ZNF446: variants seen among roughly 807,000 people sequenced by gnomAD.
ZNF446 encodes the protein zinc finger protein with KRAB and SCAN domains 20.
In ZNF446, 42 loss-of-function variants were observed where a neutral mutation model predicts 34.0. The ratio of observed to expected loss-of-function variants is 1.23; its 90% confidence interval spans 0.96 to 1.60. ZNF446 has a LOEUF of 1.60. ZNF446 is among the 40% of genes most tolerant of loss of function. The pLI is 0.00. For missense variants in ZNF446, 650 were observed against 600.2 expected, an observed-to-expected ratio of 1.08 and a Z score of -0.87; for synonymous variants, 315 against 251.0, an observed-to-expected ratio of 1.25 and a Z score of -2.41.
At chr19:58,481,534 G>A (rs1040818984), downstream of ZNF446, among the ~76,000 whole-genome samples, 2 of 152,158 alleles carry the variant, frequency 1.3e-5, no homozygotes, top group South Asian at 2.1e-4. Context: ...CAGGGGTTGC[G>A]CCAAGGCCAT....
At chr19:58,485,173 G>A (rs1777545571), downstream of ZNF446, among the ~76,000 whole-genome samples, 1 of 152,046 alleles carries the variant, frequency 6.6e-6, no homozygotes, top group African/African-American at 2.4e-5. Flanking sequence ...TTGTCATATT[G>A]TAAATAAAAA....
downstream of ZNF446, among the ~76,000 whole-genome samples, chr19:58,485,914 C>T (rs1313432576): frequency 1.3e-5 from 2 of 151,560 alleles, no homozygotes; most frequent in African/African-American, 4.9e-5. Context: ...AAATGTAAAA[C>T]TTTGTTTTGT....
the ZNF446 span, among the ~76,000 whole-genome samples, chr19:58,488,240 AC>A: frequency 1.4e-5 from 2 of 141,816 alleles, no homozygotes; most frequent in African/African-American, 2.6e-5. Context: ...GTGGCCACAC[AC>A]CCTGTTCATG....
chr19:58,482,692 C>G (rs2053148558), downstream of ZNF446, among the ~76,000 whole-genome samples: 1 of 152,162 alleles, frequency 6.6e-6, no homozygotes, highest in Non-Finnish European at 1.5e-5. Context: ...TTTATGAGGG[C>G]CTTCTAACCC....
chr19:58,482,885 G>T (rs2053149844), downstream of ZNF446, among the ~76,000 whole-genome samples: 1 of 152,210 alleles, frequency 6.6e-6, no homozygotes, highest in African/African-American at 2.4e-5. Context: ...ATAGAAGGCT[G>T]TGAAAGGGCC....
At chr19:58,486,699 G>C in the ZNF446 span, among the ~76,000 whole-genome samples, 5 of 139,354 alleles carry the variant, frequency 3.6e-5, no homozygotes, top group Middle Eastern at 0.014. Flanking sequence ...GTGAGCCACC[G>C]CACCCAGCTT....
rs775611679 is a variant in ZNF446 at position 58,477,811 on chromosome 19, G to A, written c.517G>A (p.Asp173Asn). 9.6e-6 allele frequency: 15 copies of A among 1,565,498 alleles called. No individual in the cohort carries two copies. The highest frequency in any genetic ancestry group is 3.9e-5 in the Admixed American group (2 of 51,600). ...SCSVKEEPNV[D>N]GQEVAPSSPP... ...CAGTGTGAAGGAGGAGCCCAATGTC[G>A]ATGGACAGGAAGTGGGTGAGGTTGG... The change falls in exon 3 of 7, where the codon GAT becomes AAT. Residue 173 changes from aspartate to asparagine, a missense_variant. Transcript: ENST00000594369.
In ZNF446 at chr19:58,479,970, G is replaced by GC; in HGVS notation, c.754dup (p.Leu252ProfsTer19). On this transcript the variant is annotated frameshift_variant, in exon 6 of 7. Transcript: ENST00000594369. LOFTEE classifies it low-confidence loss of function (END_TRUNC). ...AGCCAGAGGCACAGGCCCAGTCAGA[G>GC]CTGGGGATGCTGCTCACGGGGACAG... 1.9e-6 allele frequency: 3 copies of GC among 1,590,372 alleles called. No individual in the cohort carries two copies. Among genetic ancestry groups the GC allele is most frequent in the Non-Finnish European group, 2.6e-6 (3 of 1,171,138 alleles).
rs746417197 is a variant in ZNF446, at chr19:58,478,096, G to A, written c.542G>A (p.Ser181Asn). 1 of 1,613,398 alleles carries A rather than the reference G, an allele frequency of 6.2e-7. No homozygotes were observed. The highest frequency in any genetic ancestry group is 2.2e-5 in the East Asian group (1 of 44,882). The part of the protein sequence containing the change: ...NVDGQEVAPS[S>N]PPLAAQSPEG... ...CTGCCCCACTTTTCAGCACCCTCCA[G>A]CCCTCCACTTGCAGCACAGTCCCCT... Residue 181 changes from serine to asparagine, a missense_variant, in exon 4 of 7, where the codon AGC (serine) becomes AAC (asparagine). Ser to Asn is a conservative substitution (Grantham distance 46, BLOSUM62 1). Coordinates refer to ENST00000594369, the MANE Select transcript of ZNF446 (RefSeq NM_017908.4).
At chr19:58,482,083 C>T (rs532496986), downstream of ZNF446, among the ~76,000 whole-genome samples, 5 of 152,292 alleles carry the variant, frequency 3.3e-5, no homozygotes, top group South Asian at 4.1e-4. Context: ...CGTGAGCCAC[C>T]GCGCCCGGCC....
At chr19:58,484,271 TAAAA>T (rs34356403), downstream of ZNF446, among the ~76,000 whole-genome samples, 1,588 of 66,512 alleles carry the variant, frequency 0.024, 40 homozygotes, top group African/African-American at 0.086. Context: ...ACCCCATCTC[TAAAA>T]AAAAAAAAAA....
downstream of ZNF446, among the ~76,000 whole-genome samples, chr19:58,483,331 AT>A (rs997112410): frequency 6.6e-6 from 1 of 152,214 alleles, no homozygotes. Context: ...ACTAAAAAAA[AT>A]ACAAAAATTA....
the ZNF446 span, among the ~76,000 whole-genome samples, chr19:58,486,265 G>T: frequency 6.6e-6 from 1 of 151,366 alleles, no homozygotes; most frequent in African/African-American, 2.4e-5. Context: ...GCTACTTTTT[G>T]TATTTTTAGT....
At position 58,477,755 on chromosome 19, in the gene ZNF446, C is replaced by T. The variant is rs749072418; in HGVS notation, c.461C>T (p.Thr154Ile). Residue 154 changes from threonine to isoleucine, a missense_variant, in exon 3 of 7, where the codon ACC becomes ATC. Physicochemically the swap from Thr to Ile is moderately conservative, Grantham distance 89. Transcript: ENST00000594369. ...TCCCCTGGGGAAGGTCCCCAGGACA[C>T]CAGAATAGAGGGGTCTGTCCAGCTC... Reference protein sequence around the residue: ...VESPGEGPQDTRIEGSVQLSC... With the variant: ...VESPGEGPQDIRIEGSVQLSC... 6.2e-7 allele frequency: 1 copy of T among 1,612,106 alleles called. No homozygotes were observed. Among genetic ancestry groups the T allele is most frequent in the Non-Finnish European group, 8.5e-7 (1 of 1,179,204 alleles).
At chr19:58,486,098 T>C (rs1247322426), downstream of ZNF446, among the ~76,000 whole-genome samples, 1 of 144,660 alleles carries the variant, frequency 6.9e-6, no homozygotes, top group African/African-American at 2.6e-5. Flanking sequence ...CTTTTTTTTT[T>C]TTTTTTTTTT....
At chr19:58,482,775 C>A (rs1304566720), downstream of ZNF446, among the ~76,000 whole-genome samples, 1 of 152,040 alleles carries the variant, frequency 6.6e-6, no homozygotes, top group Non-Finnish European at 1.5e-5. Flanking sequence ...GATCTGTGAG[C>A]AAGCAGGAGG....
chr19:58,488,515 C>G, the ZNF446 span, among the ~76,000 whole-genome samples: 1 of 151,604 alleles, frequency 6.6e-6, no homozygotes, highest in Middle Eastern at 3.2e-3. Context: ...GTTAAAAACC[C>G]TGCCAATTAA....
chr19:58,486,689 G>A, the ZNF446 span, among the ~76,000 whole-genome samples: 3 of 147,080 alleles, frequency 2.0e-5, no homozygotes, highest in Admixed American at 6.7e-5. Context: ...GATTACAGGC[G>A]TGAGCCACCG....
At position 58,477,494 on chromosome 19, in the gene ZNF446, C is replaced by T. The variant is rs2053098635; in HGVS notation, c.276C>T (p.Gly92=). The T allele has an allele frequency of 6.2e-7, 1 of 1,613,360 alleles. No individual in the cohort carries two copies. The highest frequency in any genetic ancestry group is 1.3e-5 in the African/African-American group (1 of 75,076). ...CCTGGGTGCGCGGTCAGCGGCCAGG[C>T]AGTCCTGAGGAGGCCGCTGCCCTAG... The part of the protein sequence containing the change: ...IQAWVRGQRP[G]SPEEAAALVE... The change falls in exon 2 of 7, where the codon GGC becomes GGT. Residue 92 remains glycine, a synonymous_variant. Transcript: ENST00000594369.
Sources: gnomAD v4.1 joint callset for allele counts (sites outside exome capture counted in the v4.1 genomes callset) on GRCh38, gnomAD v4.1.1 for gene constraint, MANE v1.5 for transcripts, NCBI Gene and HGNC (gene_info 2026-07-23, HGNC 2026-07-21) for gene names.